Variants in GPC6 observed in about 807,000 individuals in gnomAD.
GPC6 encodes glypican-6.
A neutral mutation model predicts 55.2 loss-of-function variants in GPC6; 14 were observed. The ratio of observed to expected loss-of-function variants is 0.25; its 90% CI spans 0.17 to 0.40. The LOEUF is 0.40. Ranked by LOEUF, GPC6 falls within the 10% of genes least tolerant of loss-of-function variation. The probability of loss-of-function intolerance (pLI) is 1.00; values close to 1 mark genes in which losing one functional copy is unlikely to be tolerated. For synonymous variants in GPC6, 278 were observed against 259.6 expected (o/e 1.07, Z -0.68); for missense variants, 641 against 708.5 (o/e 0.90, Z 1.08).
intron 4 of GPC6, among the ~76,000 whole-genome samples, chr13:94,256,224 C>A (rs1891500832): frequency 6.6e-6 from 1 of 152,010 alleles, no homozygotes; most frequent in African/African-American, 2.4e-5. Context: ...GGAGTGTGGG[C>A]CATGTCAGGG....
At chr13:93,804,118 G>A (rs1011733051) in intron 2 of GPC6, among the ~76,000 whole-genome samples, 5 of 151,994 alleles carry the variant, frequency 3.3e-5, no homozygotes, top group African/African-American at 1.2e-4. Flanking sequence ...TTTTAAAAAG[G>A]CATAGCATAA....
chr13:94,161,525 A>G (rs1446402703), intron 4 of GPC6, among the ~76,000 whole-genome samples: 3 of 152,182 alleles, frequency 2.0e-5, no homozygotes, highest in Non-Finnish European at 4.4e-5. Flanking sequence ...ATTCTCAGTA[A>G]TTGCCATTCA....
intron 2 of GPC6, among the ~76,000 whole-genome samples, chr13:93,680,371 G>A (rs916297668): frequency 4.6e-5 from 7 of 152,134 alleles, no homozygotes; most frequent in Non-Finnish European, 1.0e-4. Context: ...CTGCACAATA[G>A]TGAGACAGTT....
At position 93,832,884 on chromosome 13, in the gene GPC6, A is replaced by G. The variant is rs117973467; in HGVS notation, c.711+2339A>G. 1.5e-3 allele frequency among the ~76,000 whole-genome samples: 231 copies of G among 152,282 alleles called. 5 individuals carry two copies. In the East Asian group the frequency reaches 0.034, roughly 22 times the overall value. ...CCCTTCAAGACCACCATTCTTTTGC[A>G]GAACAATTGCTGTGGGCATGGAATA... On this transcript the variant is annotated intron_variant, in intron 3 of 8. Transcript: ENST00000377047.
At chr13:93,880,138 A>C (rs1317966322) in intron 3 of GPC6, among the ~76,000 whole-genome samples, 1 of 151,838 alleles carries the variant, frequency 6.6e-6, no homozygotes, top group African/African-American at 2.4e-5. Flanking sequence ...TAGTTCAACC[A>C]TTGTGGAAGT....
At chr13:94,253,711 C>G (rs1891425132) in intron 4 of GPC6, among the ~76,000 whole-genome samples, 1 of 151,962 alleles carries the variant, frequency 6.6e-6, no homozygotes. Flanking sequence ...TCATATTCCC[C>G]CTCCAATCTT....
chr13:93,420,319 G>A (rs954692027), intron 1 of GPC6, among the ~76,000 whole-genome samples: 6 of 152,144 alleles, frequency 3.9e-5, no homozygotes, highest in African/African-American at 1.2e-4. Context: ...AAGGTAGTCA[G>A]GAAAGGTCTT....
chr13:93,435,460 AT>A (rs371644365), intron 1 of GPC6, among the ~76,000 whole-genome samples: 9,555 of 146,898 alleles, frequency 0.065, 984 homozygotes, highest in African/African-American at 0.22. Context: ...ACTTTACCAA[AT>A]TTTTTTTTTT....
intron 2 of GPC6, among the ~76,000 whole-genome samples, chr13:93,613,467 C>T (rs1878574098): frequency 1.3e-5 from 2 of 151,826 alleles, no homozygotes; most frequent in African/African-American, 2.4e-5. Flanking sequence ...CATTTAGTCA[C>T]ATTAACCATC....
intron 1 of GPC6, among the ~76,000 whole-genome samples, chr13:93,335,612 C>T (rs1473798144): frequency 6.6e-6 from 1 of 152,148 alleles, no homozygotes; most frequent in Non-Finnish European, 1.5e-5. Flanking sequence ...GGTCCTCTGA[C>T]CTCTTTTATA....
At chr13:93,813,383 A>G (rs1231133279) in intron 2 of GPC6, among the ~76,000 whole-genome samples, 2 of 152,002 alleles carry the variant, frequency 1.3e-5, no homozygotes, top group African/African-American at 4.8e-5. Flanking sequence ...ATGCCACTGT[A>G]CTCCAGCCTG....
chr13:94,074,750 T>G (rs1378535646), intron 4 of GPC6, among the ~76,000 whole-genome samples: 1 of 152,204 alleles, frequency 6.6e-6, no homozygotes, highest in Non-Finnish European at 1.5e-5. Context: ...TGACTACATT[T>G]CTGCCTTGTA....
chr13:93,325,725 A>T (rs1438176776), intron 1 of GPC6, among the ~76,000 whole-genome samples: 1 of 152,112 alleles, frequency 6.6e-6, no homozygotes, highest in Non-Finnish European at 1.5e-5. Flanking sequence ...CTACAAAAAG[A>T]AAAAAGAAAG....
intron 6 of GPC6, among the ~76,000 whole-genome samples, chr13:94,379,931 T>G (rs4773788): frequency 3.3e-5 from 5 of 152,138 alleles, no homozygotes; most frequent in Admixed American, 3.3e-4. Flanking sequence ...CAAGAGGGCA[T>G]AGCGCAGCGC....
intron 4 of GPC6, among the ~76,000 whole-genome samples, chr13:94,153,744 G>T (rs529165581): frequency 6.6e-6 from 1 of 152,260 alleles, no homozygotes; most frequent in East Asian, 1.9e-4. Flanking sequence ...AGCAGCATCC[G>T]CATTACTTGG....
At chr13:93,699,857 C>T (rs1312386731) in intron 2 of GPC6, among the ~76,000 whole-genome samples, 1 of 151,942 alleles carries the variant, frequency 6.6e-6, no homozygotes, top group Non-Finnish European at 1.5e-5. Flanking sequence ...TTAGAGAAAT[C>T]TTTCCTAATG....
rs558592361 is a variant in GPC6 at position 93,780,374 on chromosome 13, C to G, written c.320-49780C>G. 7.4e-4 allele frequency among the ~76,000 whole-genome samples: 113 copies of G among 152,046 alleles called. 1 individual carries two copies. The highest frequency in any genetic ancestry group is 2.6e-3 in the African/African-American group (108 of 41,480). ...ATTAGATGCTATTTGCTATTGTAAA[C>G]AATTAGCTTAGCCATCATTGTGGAT... On this transcript the variant is annotated intron_variant, in intron 2 of 8. Coordinates refer to ENST00000377047, the MANE Select transcript of GPC6 (RefSeq NM_005708.5).
intron 2 of GPC6, among the ~76,000 whole-genome samples, chr13:93,672,798 A>C (rs1881427015): frequency 6.6e-6 from 1 of 151,984 alleles, no homozygotes. Flanking sequence ...AATATCAGTT[A>C]TTGTATTTGA....
chr13:94,001,783 A>G (rs1881813716), intron 3 of GPC6, among the ~76,000 whole-genome samples: 1 of 152,186 alleles, frequency 6.6e-6, no homozygotes, highest in Non-Finnish European at 1.5e-5. Context: ...AAGAAACTGC[A>G]CCAGATGGAG....
Sources: gnomAD v4.1 joint callset for allele counts (sites outside exome capture counted in the v4.1 genomes callset) on GRCh38, gnomAD v4.1.1 for gene constraint, MANE v1.5 for transcripts, NCBI Gene and HGNC (gene_info 2026-07-23, HGNC 2026-07-21) for gene names.